CAMK2A: variants seen among roughly 807,000 people sequenced by gnomAD.
The protein encoded by CAMK2A is calcium/calmodulin dependent protein kinase II alpha.
CAMK2A carries 7 observed loss-of-function variants against 79.2 expected under a neutral mutation model. The ratio of observed to expected loss-of-function variants is 0.09; its 90% CI spans 0.05 to 0.17. The LOEUF (loss-of-function observed/expected upper bound fraction) is 0.17, where lower values mean the gene tolerates loss of function less well. Ranked by LOEUF, CAMK2A falls within the 10% of genes least tolerant of loss-of-function variation. The probability of loss-of-function intolerance (pLI) is 1.00; values close to 1 mark genes in which losing one functional copy is unlikely to be tolerated. For missense variants in CAMK2A, 214 were observed against 646.4 expected (o/e 0.33, Z 7.25); for synonymous variants, 242 against 251.7 (o/e 0.96, Z 0.36).
chr5:150,228,516 G>C (rs1277906827), intron 16 of CAMK2A, among the ~76,000 whole-genome samples: 2 of 152,218 alleles, frequency 1.3e-5, no homozygotes, highest in African/African-American at 4.8e-5. Context: ...GCCAATGGCT[G>C]TGAGACCCCA....
At chr5:150,255,578 G>T (rs537135160) in intron 6 of CAMK2A, among the ~76,000 whole-genome samples, 1 of 152,246 alleles carries the variant, frequency 6.6e-6, no homozygotes, top group African/African-American at 2.4e-5. Context: ...GTTCCAAATG[G>T]CAGAACTGAG....
Position 150,256,540 on chromosome 5 carries a change from CG to C in CAMK2A, c.411+32del. The C allele has an allele frequency of 1.9e-6, 3 of 1,541,128 alleles. No homozygotes were observed. The highest frequency in any genetic ancestry group is 2.7e-6 in the Non-Finnish European group (3 of 1,115,766). On this transcript the variant is annotated intron_variant, in intron 6 of 18. Coordinates refer to ENST00000671881, the MANE Select transcript of CAMK2A (RefSeq NM_015981.4). The surrounding 1 kb of genome is among the most constrained non-coding windows in gnomAD (Gnocchi z 4.6). ...GACGTGCAGAGGAGAGAGGGGCTCC[CG>C]GGGTGAGCCACACCCACGGTGGGTT...
At chr5:150,274,409 A>G (rs1035250927) in intron 1 of CAMK2A, among the ~76,000 whole-genome samples, 3 of 152,226 alleles carry the variant, frequency 2.0e-5, no homozygotes, top group African/African-American at 7.2e-5. Flanking sequence ...CACCTATTCC[A>G]AAAGAACTTG....
intron 3 of CAMK2A, among the ~76,000 whole-genome samples, chr5:150,258,254 G>A (rs1473180370): frequency 6.6e-6 from 1 of 152,194 alleles, no homozygotes; most frequent in Non-Finnish European, 1.5e-5. Context: ...AGGAGCCCAG[G>A]GCTCCCAGCA....
chr5:150,248,769 T>C (rs1755696975), intron 11 of CAMK2A, among the ~76,000 whole-genome samples: 1 of 152,128 alleles, frequency 6.6e-6, no homozygotes. Flanking sequence ...AAGTCTTTGC[T>C]ATTGTGAGTA....
rs1381514075 is a variant in CAMK2A, at chr5:150,256,128, C to A, written c.411+445G>T. ...ACTAAGAATGCATCTGTATACCAGGCCCCGTGCTATCTCATTTCATATCCT... is the reference window on the plus strand; with the variant it reads ...ACTAAGAATGCATCTGTATACCAGGACCCGTGCTATCTCATTTCATATCCT... On this transcript the variant is annotated intron_variant, in intron 6 of 18. Coordinates refer to ENST00000671881, the MANE Select transcript of CAMK2A (RefSeq NM_015981.4). This position sits in a 1 kb window ranked among gnomAD's most constrained non-coding sequence, Gnocchi z 4.6. 3.3e-5 allele frequency among the ~76,000 whole-genome samples: 5 copies of A among 152,166 alleles called. No homozygotes were observed. Among genetic ancestry groups the A allele is most frequent in the African/African-American group, 1.2e-4 (5 of 41,430 alleles).
intron 15 of CAMK2A, among the ~76,000 whole-genome samples, chr5:150,231,613 CAAAA>C (rs34708614): frequency 5.8e-5 from 7 of 120,454 alleles, no homozygotes; most frequent in Admixed American, 7.9e-5. Flanking sequence ...CCCAGAAAGG[CAAAA>C]AAAAAAAAAA....
At chr5:150,279,293 C>A (rs185604825) in intron 1 of CAMK2A, among the ~76,000 whole-genome samples, 1 of 152,084 alleles carries the variant, frequency 6.6e-6, no homozygotes, top group Non-Finnish European at 1.5e-5. Flanking sequence ...CATTGGAGAG[C>A]GCGGTTCAAC....
In CAMK2A at chr5:150,222,450, G is replaced by A; in HGVS notation, c.*260C>T. The stretch of plus-strand genomic sequence containing the variant: ...GCTGGGGAGAGGGGGCCAGTGCTGT[G>A]GACACCCATGCCTGAGGAAGCCCCA... On this transcript the variant is annotated 3_prime_UTR_variant, in exon 19 of 19. Transcript: ENST00000671881. 1 of 699,338 alleles carries A rather than the reference G, an allele frequency of 1.4e-6. No homozygotes were observed. The highest frequency in any genetic ancestry group is 2.7e-5 in the East Asian group (1 of 37,406). The allele number at this position is 699,338 out of a possible 1,614,324, so 43.3% of individuals were successfully genotyped here.
At chr5:150,245,464 G>A in intron 12 of CAMK2A, 1 of 518,846 alleles carries the variant, frequency 1.9e-6, no homozygotes, top group Non-Finnish European at 3.5e-6. Flanking sequence ...TGAGGGAGGT[G>A]TCCAACATGT....
At chr5:150,252,210 G>A (rs1755867710) in intron 7 of CAMK2A, 145 bp from the exon 8 acceptor site, 1 of 665,706 alleles carries the variant, frequency 1.5e-6, no homozygotes, top group Non-Finnish European at 2.7e-6. Flanking sequence ...ACTTGGGCTT[G>A]TATTGTGCAA....
intron 15 of CAMK2A, among the ~76,000 whole-genome samples, chr5:150,236,781 T>C (rs1252993985): frequency 6.6e-6 from 1 of 152,244 alleles, no homozygotes; most frequent in Non-Finnish European, 1.5e-5. Flanking sequence ...AGGGCAGGGC[T>C]GGGAATGTGG....
intron 6 of CAMK2A, among the ~76,000 whole-genome samples, chr5:150,255,782 G>A (rs1476864335): frequency 6.6e-6 from 1 of 152,220 alleles, no homozygotes; most frequent in Non-Finnish European, 1.5e-5. Context: ...AGACTCCCAA[G>A]GTCACAGGAT....
At chr5:150,281,099 A>T (rs1004074104) in intron 1 of CAMK2A, among the ~76,000 whole-genome samples, 5 of 152,012 alleles carry the variant, frequency 3.3e-5, no homozygotes, top group Non-Finnish European at 5.9e-5. Context: ...TGTCTTAGGA[A>T]CTCTAGCCCC....
rs767848402 is a variant in CAMK2A, at chr5:150,289,571, A to G, written c.55T>C (p.Leu19=). ...TCCTGAGGCACAACTCACTTGCCCAATTCCTCGAAGAGCTGGTACTCTTCC... is the reference window on the plus strand; with the variant it reads ...TCCTGAGGCACAACTCACTTGCCCAGTTCCTCGAAGAGCTGGTACTCTTCC... The part of the protein sequence containing the change: ...FTEEYQLFEE[L]GKGAFSVVRR... The change falls in exon 1 of 19, where the codon TTG becomes CTG. Residue 19 remains leucine, a synonymous_variant. Coordinates refer to ENST00000671881, the MANE Select transcript of CAMK2A (RefSeq NM_015981.4). The G allele has an allele frequency of 2.0e-5, 32 of 1,613,658 alleles. No individual in the cohort carries two copies. The South Asian group carries it at 2.7e-4, about 14-fold the overall frequency.
In CAMK2A at chr5:150,244,621, G is replaced by C. The variant is rs560687664; in HGVS notation, c.984+540C>G. Among the ~76,000 whole-genome samples the C allele has an allele frequency of 2.0e-5, 3 of 152,170 alleles. No homozygotes were observed. In the South Asian group the frequency reaches 6.2e-4, roughly 32 times the overall value. On this transcript the variant is annotated intron_variant, in intron 13 of 18. Transcript: ENST00000671881. Reference sequence around the variant, plus strand: ...TGGGACAGGGCAGGCCCTTGGAGCCGGGAGGGGATTTTGGAACTGAACCAG... The same window carrying C: ...TGGGACAGGGCAGGCCCTTGGAGCCCGGAGGGGATTTTGGAACTGAACCAG...
chr5:150,289,008 G>C (rs1216009906), intron 1 of CAMK2A, among the ~76,000 whole-genome samples: 1 of 152,142 alleles, frequency 6.6e-6, no homozygotes, highest in East Asian at 1.9e-4. Context: ...AACCCCTACT[G>C]TACTGACGCC....
chr5:150,227,098 T>A (rs902350166), intron 17 of CAMK2A, among the ~76,000 whole-genome samples: 8 of 152,280 alleles, frequency 5.3e-5, no homozygotes, highest in African/African-American at 1.7e-4. Flanking sequence ...AGAAAACTTA[T>A]TGACATAGTC....
rs1283115162 is a variant in CAMK2A, at chr5:150,221,159, TTGAG to T, written c.*1547_*1550del. 3.1e-6 allele frequency: 1 copy of T among 319,304 alleles called. No individual in the cohort carries two copies. The highest frequency in any genetic ancestry group is 1.6e-4 in the South Asian group (1 of 6,292). 19.8% of individuals were successfully genotyped at this position (319,304 alleles called of 1,614,324 possible). A position where few individuals can be genotyped will look rare whatever the true frequency, so the allele number is the denominator to read the frequency against. ...GTCCAAAACATGTAGATTGGTTTTGTTGAGTGTTTTCTTCTTTTTGTTTGTTTTC... is the reference window on the plus strand; with the variant it reads ...GTCCAAAACATGTAGATTGGTTTTGTTGTTTTCTTCTTTTTGTTTGTTTTC... On this transcript the variant is annotated 3_prime_UTR_variant, in exon 19 of 19. Coordinates refer to ENST00000671881, the MANE Select transcript of CAMK2A (RefSeq NM_015981.4).
Sources: allele counts gnomAD v4.1 joint callset (sites outside exome capture counted in the v4.1 genomes callset), GRCh38; gene constraint gnomAD v4.1.1; non-coding constraint Gnocchi (gnomAD v3.1); transcripts MANE v1.5; gene names NCBI Gene and HGNC (gene_info 2026-07-23, HGNC 2026-07-21).